Variants in A1CF observed in about 807,000 individuals in gnomAD.
A1CF encodes APOBEC-1 stimulating protein.
In A1CF, 48 loss-of-function variants were observed where a neutral mutation model predicts 68.9. That is an observed-to-expected ratio of 0.70 (90% CI 0.55 to 0.89). The LOEUF (loss-of-function observed/expected upper bound fraction) is 0.89. A1CF is among the 40% of genes least tolerant of loss of function. A1CF has a pLI of 0.00. For synonymous variants in A1CF, 272 were observed against 260.4 expected (o/e 1.04, Z -0.43); for missense variants, 653 against 718.9 (o/e 0.91, Z 1.05).
chr10:50,809,768 C>T (rs989105626), intron 12 of A1CF, 126 bp downstream of exon 12: 1 of 1,412,464 alleles, frequency 7.1e-7, no homozygotes, highest in Non-Finnish European at 9.6e-7. Context: ...CTTTTTGGTC[C>T]CAAGGTTGTG....
At chr10:50,820,499 T>C (rs1244540050) in intron 8 of A1CF, 53 bp downstream of exon 8, 13 of 1,520,538 alleles carry the variant, frequency 8.5e-6, no homozygotes, top group South Asian at 5.7e-5. Flanking sequence ...GGATGTAATA[T>C]CCACACCAAA....
At chr10:50,871,581 A>G (rs544545000) in intron 1 of A1CF, among the ~76,000 whole-genome samples, 109 of 152,168 alleles carry the variant, frequency 7.2e-4, no homozygotes, top group African/African-American at 1.9e-3. Context: ...AACAGCCCTA[A>G]TTAACAGTTT....
intron 5 of A1CF, 131 bp downstream of exon 5, chr10:50,841,730 GA>G: frequency 9.4e-7 from 1 of 1,068,406 alleles, no homozygotes; most frequent in Non-Finnish European, 1.3e-6. Context: ...TTTTGCCAAG[GA>G]AAAATACTAA....
intron 1 of A1CF, among the ~76,000 whole-genome samples, chr10:50,876,863 G>A (rs990812373): frequency 1.3e-5 from 2 of 152,082 alleles, no homozygotes; most frequent in Non-Finnish European, 2.9e-5. Flanking sequence ...ATTTATATTT[G>A]TTTTATGCAT....
chr10:50,809,023 A>G lies in A1CF; in HGVS notation c.1609+871T>C, dbSNP rs918630580. On this transcript the variant is annotated intron_variant, in intron 12 of 12. Transcript: ENST00000373997. ...AAATAATCTTTTACTAAAAAAAAAA[A>G]GGATAAAAAATTTTCAGCTGAGAAA... is the stretch of plus-strand genomic sequence containing the variant. 1.8e-4 allele frequency among the ~76,000 whole-genome samples: 28 copies of G among 152,074 alleles called. No individual in the cohort carries two copies. The East Asian group carries it at 1.9e-3, about 10-fold the overall frequency.
chr10:50,873,504 T>A (rs1841369515), intron 1 of A1CF, among the ~76,000 whole-genome samples: 1 of 152,090 alleles, frequency 6.6e-6, no homozygotes, highest in African/African-American at 2.4e-5. Flanking sequence ...TATAATTCAT[T>A]TTTCCTTTTT....
chr10:50,814,506 AT>A (rs1838275134), intron 9 of A1CF, among the ~76,000 whole-genome samples: 1 of 152,220 alleles, frequency 6.6e-6, no homozygotes, highest in South Asian at 2.1e-4. Context: ...GGCTTCCCTA[AT>A]TATCCCACTT....
At chr10:50,874,091 A>C (rs1365189511) in intron 1 of A1CF, among the ~76,000 whole-genome samples, 3 of 152,148 alleles carry the variant, frequency 2.0e-5, no homozygotes, top group African/African-American at 7.2e-5. Context: ...TTTTTAAAAA[A>C]CTACATCAAA....
At chr10:50,848,109 A>T (rs981768983) in intron 3 of A1CF, among the ~76,000 whole-genome samples, 1 of 152,172 alleles carries the variant, frequency 6.6e-6, no homozygotes, top group South Asian at 2.1e-4. Context: ...ATCTATGAGG[A>T]TGCTACTACT....
chr10:50,801,640 G>T lies in A1CF; in HGVS notation c.*5089C>A, dbSNP rs1397996797. 6.6e-6 allele frequency: 1 copy of T among 152,162 alleles called. No homozygotes were observed. Among genetic ancestry groups the T allele is most frequent in the African/African-American group, 2.4e-5 (1 of 41,440 alleles). 9.4% of individuals were successfully genotyped at this position (152,162 alleles called of 1,614,324 possible). A position where few individuals can be genotyped will look rare whatever the true frequency, so the allele number is the denominator to read the frequency against. ...ACTTTTTTAAAGATACTGTTTCTTG[G>T]TATCTCCTATTCCCTTAGACAAAGT... is the stretch of plus-strand genomic sequence containing the variant. On this transcript the variant is annotated 3_prime_UTR_variant, in exon 13 of 13. Transcript: ENST00000373997.
At chr10:50,823,834 T>C (rs1188907317) in intron 7 of A1CF, 1 of 152,176 alleles carries the variant, frequency 6.6e-6, no homozygotes, top group Non-Finnish European at 1.5e-5. Flanking sequence ...TTCATCATGG[T>C]TAAACTGATA....
chr10:50,872,585 C>A (rs1326241609), intron 1 of A1CF, among the ~76,000 whole-genome samples: 1 of 152,142 alleles, frequency 6.6e-6, no homozygotes, highest in Admixed American at 6.6e-5. Flanking sequence ...ACACAGGACA[C>A]CATAATGAAC....
intron 5 of A1CF, among the ~76,000 whole-genome samples, chr10:50,840,529 T>G (rs1383485416): frequency 6.6e-6 from 1 of 152,202 alleles, no homozygotes; most frequent in African/African-American, 2.4e-5. Context: ...AAGAAAGAAT[T>G]TATGACGGTT....
chr10:50,865,802 G>A (rs755399808), intron 1 of A1CF, among the ~76,000 whole-genome samples: 6 of 152,180 alleles, frequency 3.9e-5, no homozygotes, highest in African/African-American at 1.2e-4. Context: ...TAACCTTCAA[G>A]TGTCAGCTCC....
At chr10:50,876,652 A>G (rs1158920771) in intron 1 of A1CF, among the ~76,000 whole-genome samples, 1 of 152,062 alleles carries the variant, frequency 6.6e-6, no homozygotes, top group Non-Finnish European at 1.5e-5. Flanking sequence ...TCTGGACTGG[A>G]ACTTACACTA....
chr10:50,855,609 G>C (rs1370118445), intron 3 of A1CF, among the ~76,000 whole-genome samples: 2 of 151,854 alleles, frequency 1.3e-5, no homozygotes, highest in Admixed American at 1.3e-4. Context: ...CAAACCCTTA[G>C]AAGCAGGCAT....
intron 6 of A1CF, among the ~76,000 whole-genome samples, chr10:50,833,747 T>A (rs916298369): frequency 2.0e-5 from 3 of 152,116 alleles, no homozygotes; most frequent in African/African-American, 7.2e-5. Flanking sequence ...AAATGGGTGA[T>A]AGGTTTTGTT....
intron 5 of A1CF, 83 bp downstream of exon 5, chr10:50,841,778 AC>A: frequency 6.6e-7 from 1 of 1,523,016 alleles, no homozygotes; most frequent in East Asian, 2.3e-5. Flanking sequence ...TTTTTGGCAT[AC>A]ACCATATTAG....
In A1CF at chr10:50,836,207, T is replaced by G. The variant is rs752912610; in HGVS notation, c.471A>C (p.Lys157Asn). ...KKREEILSEM[K>N]KVTEGVVDVI... is the part of the protein sequence containing the mutation. ...CATCGACAACACCTTCAGTAACCTT[T>G]TTCATCTCCGATAAGATTTCTTCTC... The change falls in exon 6 of 13, where the codon AAA becomes AAC. Residue 157 changes from lysine to asparagine, a missense_variant. Transcript: ENST00000373997. 2 of 1,614,040 alleles carry G rather than the reference T, an allele frequency of 1.2e-6. No individual in the cohort carries two copies. Among genetic ancestry groups the G allele is most frequent in the Admixed American group, 3.3e-5 (2 of 60,016 alleles).
Sources: allele counts gnomAD v4.1 joint callset (sites outside exome capture counted in the v4.1 genomes callset), GRCh38; gene constraint gnomAD v4.1.1; transcripts MANE v1.5; gene names NCBI Gene and HGNC (gene_info 2026-07-23, HGNC 2026-07-21).